HECW1: variants seen among roughly 807,000 people sequenced by gnomAD.
HECW1 encodes E3 ubiquitin-protein ligase HECW1.
A neutral mutation model predicts 182.3 loss-of-function variants in HECW1; 61 were observed. The ratio of observed to expected loss-of-function variants is 0.33; its 90% CI spans 0.27 to 0.41. The LOEUF is 0.41. Among genes scored for constraint, HECW1 ranks in the 10% least tolerant of loss-of-function variants. HECW1 has a pLI of 1.00. For synonymous variants in HECW1, 859 were observed against 832.6 expected, an observed-to-expected ratio of 1.03 and a Z score of -0.55; for missense variants, 1,739 against 2,108.9, an observed-to-expected ratio of 0.82 and a Z score of 3.44.
intron 17 of HECW1, among the ~76,000 whole-genome samples, chr7:43,488,582 G>A (rs995508430): frequency 9.2e-5 from 14 of 152,198 alleles, no homozygotes; most frequent in African/African-American, 3.4e-4. Context: ...CTCAGTTGCT[G>A]TCAGACGTCC....
chr7:43,539,533 ATATT>A (rs1354481379), intron 24 of HECW1, among the ~76,000 whole-genome samples: 3 of 152,188 alleles, frequency 2.0e-5, no homozygotes, highest in Non-Finnish European at 4.4e-5. Context: ...ATTCATTGAG[ATATT>A]TAATTTTTTA....
At chr7:43,300,899 C>T (rs946336414) in intron 3 of HECW1, among the ~76,000 whole-genome samples, 8 of 152,176 alleles carry the variant, frequency 5.3e-5, no homozygotes, top group African/African-American at 1.9e-4. Flanking sequence ...GCCCAGGAGC[C>T]GCCCCTGCTA....
chr7:43,208,359 C>T (rs185075056), intron 2 of HECW1, among the ~76,000 whole-genome samples: 52 of 152,362 alleles, frequency 3.4e-4, no homozygotes, highest in Non-Finnish European at 3.8e-4. Context: ...TGTCTTATGA[C>T]TCCCACATCT....
intron 6 of HECW1, among the ~76,000 whole-genome samples, chr7:43,374,071 T>G (rs573361199): frequency 1.3e-5 from 2 of 152,346 alleles, no homozygotes; most frequent in South Asian, 4.1e-4. Context: ...TTGATATAGG[T>G]ATTTCTTTGA....
At chr7:43,225,760 A>G (rs972232443) in intron 2 of HECW1, among the ~76,000 whole-genome samples, 5 of 152,148 alleles carry the variant, frequency 3.3e-5, no homozygotes, top group Non-Finnish European at 5.9e-5. Context: ...TAGAATCTAC[A>G]TAGGATGCCA....
chr7:43,120,420 T>G (rs1785478745), intron 2 of HECW1, among the ~76,000 whole-genome samples: 1 of 152,104 alleles, frequency 6.6e-6, no homozygotes, highest in Admixed American at 6.6e-5. Flanking sequence ...AGTTTCTGCT[T>G]ATGTGCTATT....
At chr7:43,523,917 T>G (rs533335133) in intron 24 of HECW1, among the ~76,000 whole-genome samples, 1 of 152,184 alleles carries the variant, frequency 6.6e-6, no homozygotes, top group Non-Finnish European at 1.5e-5. Flanking sequence ...CTGTCCTCCA[T>G]CCCTTCTTCC....
chr7:43,114,133 T>A, intron 1 of HECW1, 24 bp from the exon 2 acceptor site: 1 of 782,770 alleles, frequency 1.3e-6, no homozygotes, highest in East Asian at 3.9e-5. Flanking sequence ...TCTCCCCTTG[T>A]TTTCCCCCCT....
chr7:43,510,274 C>A (rs2079798599), intron 24 of HECW1: 1 of 152,170 alleles, frequency 6.6e-6, no homozygotes, highest in Non-Finnish European at 1.5e-5. Context: ...TACACATACA[C>A]AGATTATACC....
intron 2 of HECW1, among the ~76,000 whole-genome samples, chr7:43,170,274 A>G (rs192626621): frequency 6.6e-6 from 1 of 152,344 alleles, no homozygotes; most frequent in East Asian, 1.9e-4. Flanking sequence ...ACATGTATAT[A>G]CATTATATAT....
intron 4 of HECW1, 97 bp downstream of exon 4, chr7:43,312,184 A>G: frequency 1.8e-6 from 2 of 1,121,734 alleles, no homozygotes; most frequent in Non-Finnish European, 2.5e-6. Flanking sequence ...TATACAAGCA[A>G]CTGTGTTATA....
intron 2 of HECW1, among the ~76,000 whole-genome samples, chr7:43,204,240 T>C (rs1795262794): frequency 6.6e-6 from 1 of 152,220 alleles, no homozygotes; most frequent in Admixed American, 6.5e-5. Context: ...AAAGAAAGCT[T>C]GAAACTGAAG....
chr7:43,263,506 G>A (rs759082606), intron 3 of HECW1, among the ~76,000 whole-genome samples: 1 of 152,060 alleles, frequency 6.6e-6, no homozygotes, highest in African/African-American at 2.4e-5. Context: ...GACTACAGGC[G>A]TGTGCCACTA....
rs150786837 is a variant in HECW1, at chr7:43,336,841, G to A, written c.460+16099G>A. ...TCTGAGTTAGTTCACTTAAGATAAT[G>A]GCCTCCAGCTCCATCCACGTTGCTG... On this transcript the variant is annotated intron_variant, in intron 5 of 29. Transcript: ENST00000395891. Among the ~76,000 whole-genome samples the A allele has an allele frequency of 2.6e-3, 389 of 152,172 alleles. 1 individual carries two copies. The highest frequency in any genetic ancestry group is 9.2e-3 in the African/African-American group (381 of 41,520).
intron 17 of HECW1, among the ~76,000 whole-genome samples, chr7:43,485,108 G>A (rs966126714): frequency 2.2e-4 from 34 of 151,986 alleles, no homozygotes; most frequent in Non-Finnish European, 2.2e-4. Flanking sequence ...GGTACACACC[G>A]AAAAAAAAGC....
Position 43,562,259 on chromosome 7 carries a change from A to T in HECW1, c.*333A>T. The T allele has an allele frequency of 3.9e-6, 1 of 258,620 alleles. No homozygotes were observed. 16.0% of individuals were successfully genotyped at this position (258,620 alleles called of 1,614,324 possible). ...GTTAAGCTACACTTGACCAAATGGT[A>T]ATAAATGTTTACTTCCATTTCTATC... On this transcript the variant is annotated 3_prime_UTR_variant, in exon 30 of 30. Coordinates refer to ENST00000395891, the MANE Select transcript of HECW1 (RefSeq NM_015052.5).
chr7:43,417,309 C>G (rs1362636215), intron 8 of HECW1, among the ~76,000 whole-genome samples: 1 of 152,158 alleles, frequency 6.6e-6, no homozygotes, highest in Non-Finnish European at 1.5e-5. Context: ...CTTGATTTCC[C>G]AAAGTGCTGA....
At chr7:43,153,108 G>A (rs1789518249) in intron 2 of HECW1, among the ~76,000 whole-genome samples, 1 of 152,150 alleles carries the variant, frequency 6.6e-6, no homozygotes, top group Non-Finnish European at 1.5e-5. Flanking sequence ...ATTCTGTGAT[G>A]TGAATTGGCT....
At chr7:43,430,540 T>G (rs2076512396) in intron 8 of HECW1, among the ~76,000 whole-genome samples, 1 of 152,202 alleles carries the variant, frequency 6.6e-6, no homozygotes, top group Non-Finnish European at 1.5e-5. Context: ...TTCCCATGAT[T>G]GGCTGTTATA....
Sources: gnomAD v4.1 joint callset for allele counts (sites outside exome capture counted in the v4.1 genomes callset) on GRCh38, gnomAD v4.1.1 for gene constraint, MANE v1.5 for transcripts, NCBI Gene and HGNC (gene_info 2026-07-23, HGNC 2026-07-21) for gene names.